ADAMTS2: variants seen among roughly 807,000 people sequenced by gnomAD.
ADAMTS2 encodes the protein ADAM metallopeptidase with thrombospondin type 1 motif 2, also known as A disintegrin and metalloproteinase with thrombospondin motifs 2.
ADAMTS2 carries 50 observed loss-of-function variants against 123.0 expected under a neutral mutation model. The ratio of observed to expected loss-of-function variants is 0.41; its 90% CI spans 0.32 to 0.51. The LOEUF (loss-of-function observed/expected upper bound fraction) is 0.51, where lower values mean the gene tolerates loss of function less well. Ranked by LOEUF, ADAMTS2 falls within the 20% of genes least tolerant of loss-of-function variation. The probability of loss-of-function intolerance (pLI) is 0.35; values close to 1 mark genes in which losing one functional copy is unlikely to be tolerated. For missense variants in ADAMTS2, 1,494 were observed against 1,705.2 expected, an observed-to-expected ratio of 0.88 and a Z score of 2.18; for synonymous variants, 678 against 695.4, an observed-to-expected ratio of 0.98 and a Z score of 0.39.
At position 179,332,271 on chromosome 5, in the gene ADAMTS2, G is replaced by T. The variant is rs1757501882; in HGVS notation, c.534+11496C>A. ...CTGCAGAGCCTCCACGCCCTCTCTG[G>T]GCACTCACCCTCCCAGAACCTCCAC... is the stretch of plus-strand genomic sequence containing the variant. On this transcript the variant is annotated intron_variant, in intron 2 of 21. Coordinates refer to ENST00000251582, the MANE Select transcript of ADAMTS2 (RefSeq NM_014244.5). This position sits in a 1 kb window ranked among gnomAD's most constrained non-coding sequence, Gnocchi z 4.2. Among the ~76,000 whole-genome samples the T allele has an allele frequency of 6.6e-6, 1 of 152,116 alleles. No individual in the cohort carries two copies.
At chr5:179,224,804 C>T (rs545951306) in intron 3 of ADAMTS2, among the ~76,000 whole-genome samples, 1 of 152,188 alleles carries the variant, frequency 6.6e-6, no homozygotes. Context: ...AGCTGGGTCC[C>T]CAGGTCTGTC....
At chr5:179,116,690 G>A (rs546347932) in intron 21 of ADAMTS2, among the ~76,000 whole-genome samples, 12 of 152,350 alleles carry the variant, frequency 7.9e-5, no homozygotes, top group African/African-American at 2.4e-4. Context: ...AATAACTGAG[G>A]AAGTTCAAAA....
At chr5:179,239,668 A>C (rs1765617318) in intron 3 of ADAMTS2, among the ~76,000 whole-genome samples, 2 of 152,092 alleles carry the variant, frequency 1.3e-5, no homozygotes, top group Admixed American at 6.5e-5. Context: ...GAGCCATTTC[A>C]TGGTACATAA....
chr5:179,159,180 A>G (rs1561783299), intron 5 of ADAMTS2, among the ~76,000 whole-genome samples: 2 of 152,088 alleles, frequency 1.3e-5, no homozygotes. Context: ...CCCACCGTCT[A>G]CCCCATTTCC....
chr5:179,211,928 A>G (rs1764860050), intron 3 of ADAMTS2, among the ~76,000 whole-genome samples: 2 of 152,212 alleles, frequency 1.3e-5, no homozygotes, highest in Admixed American at 1.3e-4. Flanking sequence ...CTATTTCAGC[A>G]TCAGGGAAAC....
At chr5:179,264,332 C>T (rs974774904) in intron 3 of ADAMTS2, among the ~76,000 whole-genome samples, 4 of 152,234 alleles carry the variant, frequency 2.6e-5, no homozygotes, top group Non-Finnish European at 4.4e-5. Flanking sequence ...CCAAGCAGGT[C>T]CCACTGCTCC....
Position 179,132,674 on chromosome 5 carries a change from C to G in ADAMTS2, c.2209+103G>C. On this transcript the variant is annotated intron_variant, in intron 14 of 21. Transcript: ENST00000251582. The surrounding 1 kb of genome is among the most constrained non-coding windows in gnomAD (Gnocchi z 6.1). The stretch of plus-strand genomic sequence containing the variant: ...GACCTCTCCCCCTCCCCAGAACAGT[C>G]ATAAGCCCGGACAGCCCCAGGATGA... The G allele has an allele frequency of 6.7e-7, 1 of 1,498,674 alleles. No homozygotes were observed. Among genetic ancestry groups the G allele is most frequent in the Non-Finnish European group, 9.2e-7 (1 of 1,092,808 alleles). The allele number at this position is 1,498,674 out of a possible 1,614,324, so 92.8% of individuals were successfully genotyped here.
rs78644975 is a variant in ADAMTS2, at chr5:179,308,406, G to A, written c.535-35342C>T. Among the ~76,000 whole-genome samples, 2,591 of 152,278 alleles carry A rather than the reference G, an allele frequency of 0.017. 75 individuals carry two copies. The highest frequency in any genetic ancestry group is 0.059 in the African/African-American group (2,442 of 41,548). On this transcript the variant is annotated intron_variant, in intron 2 of 21. Coordinates refer to ENST00000251582, the MANE Select transcript of ADAMTS2 (RefSeq NM_014244.5). This position sits in a 1 kb window ranked among gnomAD's most constrained non-coding sequence, Gnocchi z 6.6. ...GCTGGAAAGGTCACGCACGCCAGCT[G>A]GAAGGGGAGCCGCGCAGCCCCTGGG...
chr5:179,279,150 G>A (rs1241061896), intron 2 of ADAMTS2, among the ~76,000 whole-genome samples: 1 of 151,954 alleles, frequency 6.6e-6, no homozygotes, highest in Non-Finnish European at 1.5e-5. Flanking sequence ...GACCTGGTCT[G>A]TCACTCAACC....
Position 179,153,544 on chromosome 5 carries a change from T to C in ADAMTS2, c.1462A>G (p.Met488Val). Residue 488 changes from methionine to valine, a missense_variant, in exon 9 of 22, where the codon ATG becomes GTG. Met to Val is a conservative substitution (Grantham distance 21, BLOSUM62 1). Transcript: ENST00000251582. ...LPQLPGLHYS[M>V]NEQCRFDFGL... The stretch of plus-strand genomic sequence containing the variant: ...AAGTCAAAGCGGCATTGCTCGTTCA[T>C]GGAGTAGTGCAGTCCCGGGAGCTGG... The C allele has an allele frequency of 6.2e-7, 1 of 1,610,962 alleles. No individual in the cohort carries two copies. The highest frequency in any genetic ancestry group is 8.5e-7 in the Non-Finnish European group (1 of 1,179,846).
In ADAMTS2 at chr5:179,280,239, C is replaced by T. The variant is rs531588421; in HGVS notation, c.535-7175G>A. On this transcript the variant is annotated intron_variant, in intron 2 of 21. Coordinates refer to ENST00000251582, the MANE Select transcript of ADAMTS2 (RefSeq NM_014244.5). ...AATTTCCAACAGGACCAAGGAGCCC[C>T]GACAGTCACATGCCCAGCGAGGCTC... 1.6e-3 allele frequency among the ~76,000 whole-genome samples: 250 copies of T among 152,232 alleles called. 3 individuals are homozygous for T. The highest frequency in any genetic ancestry group is 0.014 in the Middle Eastern group (4 of 294).
At chr5:179,330,277 G>C (rs1481483388) in intron 2 of ADAMTS2, among the ~76,000 whole-genome samples, 1 of 152,212 alleles carries the variant, frequency 6.6e-6, no homozygotes, top group East Asian at 1.9e-4. Flanking sequence ...GTTGGGGGAA[G>C]GCTGTGAGGA....
At chr5:179,153,124 C>T (rs1260586109) in intron 9 of ADAMTS2, among the ~76,000 whole-genome samples, 3 of 148,786 alleles carry the variant, frequency 2.0e-5, no homozygotes, top group East Asian at 2.0e-4. Flanking sequence ...CCTCTGCGTC[C>T]GTGGCCTCTG....
rs148487131 is a variant in ADAMTS2 at position 179,264,314 on chromosome 5, C to T, written c.688+8597G>A. On this transcript the variant is annotated intron_variant, in intron 3 of 21. Coordinates refer to ENST00000251582, the MANE Select transcript of ADAMTS2 (RefSeq NM_014244.5). ...CAGCCAGGGCATGAAGGAAGCCTCA[C>T]CTGGGTCCCAAGCAGGTCCCACTGC... Among the ~76,000 whole-genome samples, 451 of 152,328 alleles carry T rather than the reference C, an allele frequency of 3.0e-3. 4 individuals are homozygous for T. Among genetic ancestry groups the T allele is most frequent in the Non-Finnish European group, 2.8e-3 (189 of 68,036 alleles).
At position 179,128,078 on chromosome 5, in the gene ADAMTS2, T is replaced by C. The variant is rs1287008015; in HGVS notation, c.2498A>G (p.Lys833Arg). The C allele has an allele frequency of 6.2e-7, 1 of 1,613,994 alleles. No homozygotes were observed. Among genetic ancestry groups the C allele is most frequent in the South Asian group, 1.1e-5 (1 of 91,070 alleles). ...VGDTRVSLTY[K>R]YMIHEDSLNV... ...CAGTGAGTCCTCATGGATCATGTAT[T>C]TGTACGTCAGTGAGACCCGGGTGTC... The change falls in exon 17 of 22, where the codon AAA (lysine) becomes AGA (arginine). Residue 833 changes from lysine (K) to arginine (R), a missense_variant. By Grantham distance (26) the Lys-to-Arg change is conservative. Transcript: ENST00000251582. The surrounding 1 kb of genome is among the most constrained non-coding windows in gnomAD (Gnocchi z 4.9).
Position 179,207,498 on chromosome 5 carries a change from AGCC to A in ADAMTS2, c.891+12_891+14del. The A allele has an allele frequency of 8.8e-6, 6 of 681,138 alleles. No homozygotes were observed. The highest frequency in any genetic ancestry group is 6.3e-5 in the East Asian group (1 of 15,920). 42.2% of individuals were successfully genotyped at this position (681,138 alleles called of 1,614,324 possible). On this transcript the variant is annotated intron_variant, in intron 4 of 21. Transcript: ENST00000251582. Reference sequence around the variant, plus strand: ...CCTCCCCGCCCCACCCTGCCCCCTCAGCCACCCCACTCACAATGTTCATGAGTG... The same window carrying A: ...CCTCCCCGCCCCACCCTGCCCCCTCAACCCCACTCACAATGTTCATGAGTG...
chr5:179,132,427 C>A lies in ADAMTS2; in HGVS notation c.2210-117G>T. 1 of 1,035,220 alleles carries A rather than the reference C, an allele frequency of 9.7e-7. No individual in the cohort carries two copies. Among genetic ancestry groups the A allele is most frequent in the Non-Finnish European group, 1.5e-6 (1 of 686,254 alleles). 64.1% of individuals were successfully genotyped at this position (1,035,220 alleles called of 1,614,324 possible). On this transcript the variant is annotated intron_variant, in intron 14 of 21. Transcript: ENST00000251582. The surrounding 1 kb of genome is among the most constrained non-coding windows in gnomAD (Gnocchi z 6.1). ...AGCTCCTCCGGAGGCTCTCCCAGGACCCTGGTATTTCTCTGGCTTTGAGGA... is the reference window on the plus strand; with the variant it reads ...AGCTCCTCCGGAGGCTCTCCCAGGAACCTGGTATTTCTCTGGCTTTGAGGA...
chr5:179,199,125 T>G (rs971479116), intron 4 of ADAMTS2, among the ~76,000 whole-genome samples: 1 of 152,212 alleles, frequency 6.6e-6, no homozygotes, highest in Non-Finnish European at 1.5e-5. Context: ...ACAGGCTGAC[T>G]TCATAGATGA....
At chr5:179,273,455 C>T (rs7719469) in intron 2 of ADAMTS2, among the ~76,000 whole-genome samples, 8,016 of 152,234 alleles carry the variant, frequency 0.053, 679 homozygotes, top group African/African-American at 0.17. Context: ...CAAGTGCTGC[C>T]CCCACTCCCA....
Sources: allele counts gnomAD v4.1 joint callset (sites outside exome capture counted in the v4.1 genomes callset), GRCh38; gene constraint gnomAD v4.1.1; non-coding constraint Gnocchi (gnomAD v3.1); transcripts MANE v1.5; gene names NCBI Gene and HGNC (gene_info 2026-07-23, HGNC 2026-07-21).